Variants in FSTL4 observed in about 807,000 individuals in gnomAD.
FSTL4 encodes follistatin like 4.
FSTL4 carries 28 observed loss-of-function variants against 78.2 expected under a neutral mutation model. The ratio of observed to expected loss-of-function variants is 0.36; its 90% CI spans 0.27 to 0.49. The LOEUF is 0.49. Among genes scored for constraint, FSTL4 ranks in the 20% least tolerant of loss-of-function variants. The probability of loss-of-function intolerance (pLI) is 0.98; values close to 1 mark genes in which losing one functional copy is unlikely to be tolerated. For synonymous variants in FSTL4, 422 were observed against 440.5 expected, an observed-to-expected ratio of 0.96 and a Z score of 0.53; for missense variants, 922 against 1,084.9, an observed-to-expected ratio of 0.85 and a Z score of 2.11.
intron 2 of FSTL4, among the ~76,000 whole-genome samples, chr5:133,577,980 C>T (rs1053699945): frequency 3.9e-5 from 6 of 152,156 alleles, no homozygotes; most frequent in Non-Finnish European, 8.8e-5. Context: ...CAAGCAAGCT[C>T]GATGTCCCCT....
chr5:133,698,475 G>A, the FSTL4 span, among the ~76,000 whole-genome samples: 1 of 152,222 alleles, frequency 6.6e-6, no homozygotes, highest in Non-Finnish European at 1.5e-5. Context: ...CACTGTCTCT[G>A]TCAGCCTCCA....
At chr5:133,838,325 C>T in the FSTL4 span, among the ~76,000 whole-genome samples, 26 of 152,328 alleles carry the variant, frequency 1.7e-4, no homozygotes, top group East Asian at 3.9e-4. Context: ...AAAACAAATT[C>T]CCCTAAAACT....
the FSTL4 span, among the ~76,000 whole-genome samples, chr5:133,670,517 A>G: frequency 8.5e-5 from 13 of 152,200 alleles, no homozygotes; most frequent in Admixed American, 5.2e-4. Flanking sequence ...AATACTTTTC[A>G]CCCCAGAGTT....
At chr5:133,504,185 C>T (rs897292756) in intron 3 of FSTL4, among the ~76,000 whole-genome samples, 7 of 152,024 alleles carry the variant, frequency 4.6e-5, no homozygotes, top group Non-Finnish European at 1.0e-4. Flanking sequence ...CCGTATCAAT[C>T]ATTTACCCCC....
chr5:133,227,141 C>G (rs1389209302), intron 8 of FSTL4, among the ~76,000 whole-genome samples: 1 of 152,222 alleles, frequency 6.6e-6, no homozygotes, highest in African/African-American at 2.4e-5. Context: ...AGAGCTGTTT[C>G]AATAACATGA....
the FSTL4 span, among the ~76,000 whole-genome samples, chr5:133,822,751 A>G: frequency 6.6e-6 from 1 of 152,202 alleles, no homozygotes; most frequent in African/African-American, 2.4e-5. Context: ...GATATTAAAC[A>G]TCCTTTTTCG....
chr5:133,345,649 T>A (rs192564052), intron 4 of FSTL4, among the ~76,000 whole-genome samples: 1 of 152,128 alleles, frequency 6.6e-6, no homozygotes, highest in Non-Finnish European at 1.5e-5. Flanking sequence ...AAAAAGCTCA[T>A]CATCACTGGC....
chr5:133,406,900 G>A (rs1304133472), intron 3 of FSTL4, among the ~76,000 whole-genome samples: 2 of 152,244 alleles, frequency 1.3e-5, no homozygotes, highest in East Asian at 3.8e-4. Flanking sequence ...CCTATGGTTA[G>A]ACAGCAAGTA....
At chr5:133,405,573 C>A (rs1756341828) in intron 3 of FSTL4, among the ~76,000 whole-genome samples, 1 of 152,232 alleles carries the variant, frequency 6.6e-6, no homozygotes, top group Non-Finnish European at 1.5e-5. Context: ...CGAGGCTTTG[C>A]CTGCGGAAGA....
At chr5:133,352,146 T>G (rs1754836022) in intron 4 of FSTL4, among the ~76,000 whole-genome samples, 1 of 151,782 alleles carries the variant, frequency 6.6e-6, no homozygotes, top group African/African-American at 2.4e-5. Context: ...TCCGTCACCT[T>G]GGAAGTGAGC....
the FSTL4 span, among the ~76,000 whole-genome samples, chr5:133,655,799 G>T: frequency 6.6e-6 from 1 of 152,188 alleles, no homozygotes; most frequent in Non-Finnish European, 1.5e-5. Flanking sequence ...TGTTTATGGA[G>T]TGCTTACCTC....
At position 133,289,051 on chromosome 5, in the gene FSTL4, T is replaced by C. The variant is rs535871618; in HGVS notation, c.727+23603A>G. ...GGGCAAGGGAGCTCCACAGAGTGTATGCCCCTCTTTCATGCAGCATTTCTC... is the reference window on the plus strand; with the variant it reads ...GGGCAAGGGAGCTCCACAGAGTGTACGCCCCTCTTTCATGCAGCATTTCTC... On this transcript the variant is annotated intron_variant, in intron 6 of 15. Transcript: ENST00000265342. Among the ~76,000 whole-genome samples the C allele has an allele frequency of 3.7e-4, 56 of 152,234 alleles. No individual in the cohort carries two copies. In the Middle Eastern group the frequency reaches 0.017, roughly 46 times the overall value.
At chr5:133,235,145 A>G (rs1465348200) in intron 7 of FSTL4, among the ~76,000 whole-genome samples, 1 of 151,336 alleles carries the variant, frequency 6.6e-6, no homozygotes, top group Non-Finnish European at 1.5e-5. Context: ...TCTTGCTAAC[A>G]CTCCAGAGGG....
the FSTL4 span, among the ~76,000 whole-genome samples, chr5:133,713,258 T>A: frequency 1.3e-5 from 2 of 152,210 alleles, no homozygotes; most frequent in Non-Finnish European, 2.9e-5. Flanking sequence ...ATTATTAGAA[T>A]GAATAAAGAA....
At chr5:133,408,979 C>T (rs1469603985) in intron 3 of FSTL4, among the ~76,000 whole-genome samples, 2 of 152,096 alleles carry the variant, frequency 1.3e-5, no homozygotes, top group East Asian at 3.8e-4. Context: ...CTTCGGGAGG[C>T]CAGCCTTAAT....
At chr5:133,832,139 C>G in the FSTL4 span, among the ~76,000 whole-genome samples, 2 of 152,212 alleles carry the variant, frequency 1.3e-5, no homozygotes, top group African/African-American at 4.8e-5. Context: ...TTTATGCTGT[C>G]TCAGGAAGCA....
At chr5:133,582,904 C>T (rs1189031931) in intron 2 of FSTL4, among the ~76,000 whole-genome samples, 1 of 152,186 alleles carries the variant, frequency 6.6e-6, no homozygotes, top group African/African-American at 2.4e-5. Flanking sequence ...GCTCTGACCA[C>T]TCACTAGCCA....
intron 3 of FSTL4, among the ~76,000 whole-genome samples, chr5:133,498,930 C>A (rs972220199): frequency 6.6e-6 from 1 of 151,956 alleles, no homozygotes; most frequent in Non-Finnish European, 1.5e-5. Flanking sequence ...GACCCTTGTC[C>A]TCAGGGAGGC....
chr5:133,724,535 A>G, the FSTL4 span, among the ~76,000 whole-genome samples: 3 of 151,982 alleles, frequency 2.0e-5, no homozygotes, highest in Admixed American at 6.6e-5. Flanking sequence ...GTAGTCAGTC[A>G]CCTTGTTGAC....
Sources: gnomAD v4.1 joint callset for allele counts (sites outside exome capture counted in the v4.1 genomes callset) on GRCh38, gnomAD v4.1.1 for gene constraint, MANE v1.5 for transcripts, NCBI Gene and HGNC (gene_info 2026-07-23, HGNC 2026-07-21) for gene names.